Variants in TLK1 observed in about 807,000 individuals in gnomAD.
The protein encoded by TLK1 is tousled like kinase 1, also known as serine/threonine-protein kinase tousled-like 1.
Under a neutral mutation model 105.3 loss-of-function variants are expected in TLK1, and 24 were observed. The observed-to-expected ratio is 0.23, with a 90% CI of 0.17 to 0.32. The LOEUF (loss-of-function observed/expected upper bound fraction) is 0.32. Among genes scored for constraint, TLK1 ranks in the 10% least tolerant of loss-of-function variants. The pLI, the probability that TLK1 is intolerant of heterozygous loss-of-function variation, is 1.00. For missense variants in TLK1, 558 were observed against 910.5 expected (o/e 0.61, Z 4.98); for synonymous variants, 321 against 310.4 (o/e 1.03, Z -0.36).
At chr2:171,137,800 G>A (rs1205652446) in intron 1 of TLK1, among the ~76,000 whole-genome samples, 1 of 151,386 alleles carries the variant, frequency 6.6e-6, no homozygotes, top group Non-Finnish European at 1.5e-5. Context: ...AGTGAGCTGA[G>A]ATCGCGCCAC....
chr2:171,108,564 T>C (rs1690032588), intron 2 of TLK1, among the ~76,000 whole-genome samples: 1 of 152,034 alleles, frequency 6.6e-6, no homozygotes, highest in Admixed American at 6.6e-5. Context: ...ATGCTCCTAT[T>C]GTATCAAAAA....
chr2:171,143,366 G>A (rs1381482822), intron 1 of TLK1, among the ~76,000 whole-genome samples: 1 of 151,822 alleles, frequency 6.6e-6, no homozygotes, highest in Non-Finnish European at 1.5e-5. Context: ...TTAGCTGGGT[G>A]TGGTGGCACA....
intron 3 of TLK1, among the ~76,000 whole-genome samples, chr2:171,076,735 T>TAAAAA (rs35081277): frequency 4.0e-5 from 5 of 125,076 alleles, no homozygotes; most frequent in Non-Finnish European, 8.4e-5. Flanking sequence ...CCATCTCTAC[T>TAAAAA]AAAAAAAAAA....
chr2:171,087,981 C>A (rs573520909), intron 2 of TLK1, among the ~76,000 whole-genome samples: 2 of 152,310 alleles, frequency 1.3e-5, no homozygotes, highest in East Asian at 3.9e-4. Context: ...AAATCTCTCT[C>A]TGGGAGATTC....
intron 2 of TLK1, 118 bp downstream of exon 2, chr2:171,117,621 T>C (rs756279186): frequency 2.6e-6 from 2 of 761,670 alleles, no homozygotes; most frequent in Non-Finnish European, 4.4e-6. Flanking sequence ...GATCTTATTC[T>C]ACACATTATA....
intron 1 of TLK1, among the ~76,000 whole-genome samples, chr2:171,155,282 G>A (rs1448924141): frequency 6.6e-6 from 1 of 152,042 alleles, no homozygotes; most frequent in Non-Finnish European, 1.5e-5. Flanking sequence ...CTAAAATTCT[G>A]TGCTGAAATA....
intron 1 of TLK1, among the ~76,000 whole-genome samples, chr2:171,173,075 G>C (rs1052719363): frequency 3.3e-5 from 5 of 152,178 alleles, no homozygotes; most frequent in African/African-American, 1.2e-4. Flanking sequence ...CAGAGTCAAA[G>C]TCAATTATAA....
At chr2:170,999,476 G>A (rs1390489259) in intron 18 of TLK1, among the ~76,000 whole-genome samples, 1 of 152,166 alleles carries the variant, frequency 6.6e-6, no homozygotes, top group Middle Eastern at 3.2e-3. Context: ...CTCTCTCCAG[G>A]CACAAGGTGT....
chr2:171,087,418 TC>T (rs768129960), intron 2 of TLK1, among the ~76,000 whole-genome samples: 4 of 152,060 alleles, frequency 2.6e-5, no homozygotes, highest in Admixed American at 1.3e-4. Flanking sequence ...TGAAGATAGG[TC>T]AAGAGAAATT....
At chr2:171,103,282 A>ATATATAT (rs55949414) in intron 2 of TLK1, among the ~76,000 whole-genome samples, 10 of 147,984 alleles carry the variant, frequency 6.8e-5, no homozygotes, top group African/African-American at 1.3e-4. Flanking sequence ...ATATATATAT[A>ATATATAT]ATTTTTTTTG....
intron 14 of TLK1, among the ~76,000 whole-genome samples, chr2:171,011,162 C>T (rs898057430): frequency 7.2e-5 from 11 of 152,020 alleles, no homozygotes; most frequent in Admixed American, 5.9e-4. Context: ...CGCCACCACA[C>T]CTGGCTGACT....
At chr2:171,099,397 C>T (rs570527054) in intron 2 of TLK1, among the ~76,000 whole-genome samples, 1 of 152,212 alleles carries the variant, frequency 6.6e-6, no homozygotes, top group Non-Finnish European at 1.5e-5. Flanking sequence ...TGTTCATGTG[C>T]TAGAAGACTT....
chr2:171,230,896 A>G (rs1693984007), intron 1 of TLK1, among the ~76,000 whole-genome samples: 1 of 152,170 alleles, frequency 6.6e-6, no homozygotes, highest in African/African-American at 2.4e-5. Flanking sequence ...AGTTTCCACT[A>G]TCAAGTGTAC....
intron 1 of TLK1, among the ~76,000 whole-genome samples, chr2:171,213,685 G>T (rs1391551220): frequency 6.7e-6 from 1 of 150,312 alleles, no homozygotes; most frequent in East Asian, 2.1e-4. Context: ...AGTTAGTTGG[G>T]AGGCTGAGGT....
At chr2:171,123,564 T>C (rs1575611338) in intron 1 of TLK1, among the ~76,000 whole-genome samples, 1 of 152,118 alleles carries the variant, frequency 6.6e-6, no homozygotes, top group African/African-American at 2.4e-5. Context: ...TCACAACACT[T>C]TGGGAGGCCA....
Position 171,128,220 on chromosome 2 carries a change from T to C in TLK1, c.140-10363A>G, listed in dbSNP as rs185600229. Reference sequence around the variant, plus strand: ...GCATAGGGTTTCTGCTTCTCTCTACTGCCATGACCTTAAAAAATGAAAATA... The same window carrying C: ...GCATAGGGTTTCTGCTTCTCTCTACCGCCATGACCTTAAAAAATGAAAATA... On this transcript the variant is annotated intron_variant, in intron 1 of 20. Coordinates refer to ENST00000431350, the MANE Select transcript of TLK1 (RefSeq NM_012290.5). 2.6e-5 allele frequency among the ~76,000 whole-genome samples: 4 copies of C among 152,276 alleles called. No homozygotes were observed. In the East Asian group the frequency reaches 7.7e-4, roughly 29 times the overall value.
At chr2:171,018,766 T>G (rs1685328647) in intron 12 of TLK1, among the ~76,000 whole-genome samples, 1 of 152,130 alleles carries the variant, frequency 6.6e-6, no homozygotes, top group African/African-American at 2.4e-5. Context: ...GAGCAGTTAA[T>G]GAAAGCAGAG....
At chr2:171,064,509 T>C (rs1022022571) in intron 3 of TLK1, among the ~76,000 whole-genome samples, 45 of 152,372 alleles carry the variant, frequency 3.0e-4, no homozygotes, top group South Asian at 2.1e-4. Flanking sequence ...ACATTTTATA[T>C]AGAACATTTT....
chr2:171,119,843 T>A (rs945113761), intron 1 of TLK1, among the ~76,000 whole-genome samples: 2 of 152,290 alleles, frequency 1.3e-5, no homozygotes, highest in South Asian at 4.1e-4. Flanking sequence ...AATGCCTGAA[T>A]ATAAGACCTA....
Sources: gnomAD v4.1 joint callset for allele counts (sites outside exome capture counted in the v4.1 genomes callset) on GRCh38, gnomAD v4.1.1 for gene constraint, MANE v1.5 for transcripts, NCBI Gene and HGNC (gene_info 2026-07-23, HGNC 2026-07-21) for gene names.